The following UGT1A6 variants were observed in gnomAD, a reference collection of about 807,000 sequenced individuals.
UGT1A6 encodes UDP glucuronosyltransferase family 1 member A6.
Under a neutral mutation model 44.4 loss-of-function variants are expected in UGT1A6, and 32 were observed. That is an observed-to-expected ratio of 0.72 (90% confidence interval 0.54 to 0.97). The LOEUF (loss-of-function observed/expected upper bound fraction) is 0.97, where lower values mean the gene tolerates loss of function less well. Among genes scored for constraint, UGT1A6 ranks in the 50% least tolerant of loss-of-function variants. The pLI is 0.00. For synonymous variants in UGT1A6, 238 were observed against 248.5 expected (o/e 0.96, Z 0.40); for missense variants, 685 against 661.9 (o/e 1.03, Z -0.38).
At chr2:233,760,942 C>G (rs1253140529) in intron 1 of UGT1A6, 13 of 1,614,092 alleles carry the variant, frequency 8.1e-6, no homozygotes, top group Non-Finnish European at 1.1e-5. Flanking sequence ...TGCCTTTTCA[C>G]AGAACTTTCT....
intron 1 of UGT1A6, among the ~76,000 whole-genome samples, chr2:233,733,426 T>C (rs1228976842): frequency 1.3e-5 from 2 of 152,226 alleles, no homozygotes; most frequent in African/African-American, 4.8e-5. Context: ...GCCTACTCAG[T>C]ATGATATTGG....
chr2:233,708,218 A>G (rs2125610578), intron 1 of UGT1A6, among the ~76,000 whole-genome samples: 1 of 152,314 alleles, frequency 6.6e-6, no homozygotes, highest in South Asian at 2.1e-4. Flanking sequence ...TTAACAATTT[A>G]TTCTTCCCTT....
chr2:233,761,044 G>C (rs1697654904), intron 1 of UGT1A6: 3 of 1,614,190 alleles, frequency 1.9e-6, no homozygotes, highest in Non-Finnish European at 2.5e-6. Flanking sequence ...CTCTGCATCT[G>C]TCTGGCTGTT....
At chr2:233,700,875 CCCCCA>C (rs555944194) in intron 1 of UGT1A6, among the ~76,000 whole-genome samples, 3 of 152,002 alleles carry the variant, frequency 2.0e-5, no homozygotes, top group Non-Finnish European at 4.4e-5. Context: ...CTCCCTCCTC[CCCCCA>C]CCCCACAACA....
At chr2:233,766,654 A>G (rs1414675173) in intron 1 of UGT1A6, among the ~76,000 whole-genome samples, 3 of 152,054 alleles carry the variant, frequency 2.0e-5, no homozygotes, top group Non-Finnish European at 4.4e-5. Flanking sequence ...ATTTAAAGGG[A>G]CCACGCCCTT....
intron 1 of UGT1A6, chr2:233,743,520 G>C (rs759007678): frequency 7.3e-7 from 1 of 1,367,248 alleles, no homozygotes; most frequent in South Asian, 1.1e-5. Context: ...CTCTGCTTCT[G>C]CTTCCCCAGC....
At chr2:233,726,314 C>T (rs1182823767) in intron 1 of UGT1A6, among the ~76,000 whole-genome samples, 1 of 152,162 alleles carries the variant, frequency 6.6e-6, no homozygotes, top group Non-Finnish European at 1.5e-5. Context: ...GATCATTGAG[C>T]TCAGGAGTTT....
At chr2:233,717,422 G>A (rs1452030789) in intron 1 of UGT1A6, among the ~76,000 whole-genome samples, 1 of 152,202 alleles carries the variant, frequency 6.6e-6, no homozygotes, top group African/African-American at 2.4e-5. Context: ...CTTGAGCTGG[G>A]TGTCCCTCTG....
At chr2:233,756,870 A>C (rs1360096515) in intron 1 of UGT1A6, among the ~76,000 whole-genome samples, 4 of 152,134 alleles carry the variant, frequency 2.6e-5, no homozygotes, top group Admixed American at 2.6e-4. Flanking sequence ...AAAGGGTATT[A>C]GGTGTAATGA....
At chr2:233,718,851 C>G in intron 1 of UGT1A6, 1 of 1,613,708 alleles carries the variant, frequency 6.2e-7, no homozygotes. Context: ...TCCCCTGCCG[C>G]GGCTGGCCAC....
At position 233,772,792 on chromosome 2, in the gene UGT1A6, A is replaced by C; in HGVS notation, c.*233A>C. 2.5e-6 allele frequency: 3 copies of C among 1,219,898 alleles called. No individual in the cohort carries two copies. Among genetic ancestry groups the C allele is most frequent in the Non-Finnish European group, 3.3e-6 (3 of 917,948 alleles). The allele number at this position is 1,219,898 out of a possible 1,614,324, so 75.6% of individuals were successfully genotyped here. On this transcript the variant is annotated 3_prime_UTR_variant, in exon 5 of 5. Transcript: ENST00000305139. ...CTCTGGTGTCTTTGATCAGGATGAC[A>C]TGTGCCATTTTTCAGAGGACGTGCA...
chr2:233,747,699 A>G lies in UGT1A6; in HGVS notation c.862-19335A>G. 2.5e-6 allele frequency: 4 copies of G among 1,611,746 alleles called. No individual in the cohort carries two copies. In the South Asian group the frequency reaches 3.3e-5, roughly 13 times the overall value. On this transcript the variant is annotated intron_variant, in intron 1 of 4. Coordinates refer to ENST00000305139, the MANE Select transcript of UGT1A6 (RefSeq NM_001072.4). ...TTACCTCTGTGGGGCAGTGCTGGCT[A>G]AGTACCTATCAATTCCTGCTGTGTT...
chr2:233,767,249 T>C, intron 2 of UGT1A6, 84 bp downstream of exon 2: 1 of 1,600,756 alleles, frequency 6.2e-7, no homozygotes, highest in Non-Finnish European at 8.5e-7. Context: ...TTAATTCTCT[T>C]AATTGGAACC....
chr2:233,772,292 C>A lies in UGT1A6; in HGVS notation c.1332C>A (p.Ser444Arg), dbSNP rs778015980. 2 of 1,614,246 alleles carry A rather than the reference C, an allele frequency of 1.2e-6. No homozygotes were observed. Among genetic ancestry groups the A allele is most frequent in the Admixed American group, 3.3e-5 (2 of 60,030 alleles). Residue 444 changes from serine (S) to arginine (R), a missense_variant, in exon 5 of 5, where the codon AGC becomes AGA. By Grantham distance (110) the Ser-to-Arg change is moderately radical (BLOSUM62 -1). Coordinates refer to ENST00000305139, the MANE Select transcript of UGT1A6 (RefSeq NM_001072.4). ...SYKENIMRLSSLHKDRPVEPL... is the reference protein window; with the variant it reads ...SYKENIMRLSRLHKDRPVEPL... ...AGGAGAACATCATGCGCCTCTCCAG[C>A]CTTCACAAGGACCGCCCGGTGGAGC... is the stretch of plus-strand genomic sequence containing the variant.
intron 1 of UGT1A6, chr2:233,713,481 T>C (rs1386809200): frequency 3.1e-6 from 5 of 1,614,080 alleles, no homozygotes; most frequent in Non-Finnish European, 4.2e-6. Context: ...GCTGGCTAAG[T>C]ACCTGTCGAT....
At chr2:233,713,162 G>A in intron 1 of UGT1A6, 1 of 1,614,256 alleles carries the variant, frequency 6.2e-7, no homozygotes, top group Non-Finnish European at 8.5e-7. Context: ...GAGGCCACCA[G>A]GTGGTGGTCC....
At chr2:233,719,091 C>G in intron 1 of UGT1A6, 7 of 1,614,254 alleles carry the variant, frequency 4.3e-6, no homozygotes, top group Middle Eastern at 1.6e-4. Flanking sequence ...GGAATTTGAT[C>G]GCGTTACGCT....
chr2:233,760,166 G>A (rs2125979528), intron 1 of UGT1A6: 1 of 1,522,128 alleles, frequency 6.6e-7, no homozygotes, highest in African/African-American at 1.4e-5. Context: ...TACCTTTGTG[G>A]ACTGACAGCT....
In UGT1A6 at chr2:233,743,176, T is replaced by C. The variant is rs28900375; in HGVS notation, c.862-23858T>C. 1,765 of 366,612 alleles carry C rather than the reference T, an allele frequency of 4.8e-3. 64 individuals are homozygous for C. The highest frequency in any genetic ancestry group is 0.035 in the African/African-American group (1,636 of 46,622). 22.7% of individuals were successfully genotyped at this position (366,612 alleles called of 1,614,324 possible). On this transcript the variant is annotated intron_variant, in intron 1 of 4. Coordinates refer to ENST00000305139, the MANE Select transcript of UGT1A6 (RefSeq NM_001072.4). The stretch of plus-strand genomic sequence containing the variant: ...TCCTCCAGATGTGCTTAAAGTCAAA[T>C]GTGGACTGGAATTACTTGGTGTCAA...
Sources: gnomAD v4.1 joint callset for allele counts (sites outside exome capture counted in the v4.1 genomes callset) on GRCh38, gnomAD v4.1.1 for gene constraint, MANE v1.5 for transcripts, NCBI Gene and HGNC (gene_info 2026-07-23, HGNC 2026-07-21) for gene names.